Variants in RBFOX1 observed in about 807,000 individuals in gnomAD.
The protein encoded by RBFOX1 is RNA binding protein fox-1 homolog 1.
Under a neutral mutation model 57.7 loss-of-function variants are expected in RBFOX1, and 8 were observed. The ratio of observed to expected loss-of-function variants is 0.14; its 90% CI spans 0.08 to 0.25. The LOEUF is 0.25. Among genes scored for constraint, RBFOX1 ranks in the 10% least tolerant of loss-of-function variants. The pLI is 1.00. For synonymous variants in RBFOX1, 326 were observed against 222.4 expected, an observed-to-expected ratio of 1.47 and a Z score of -4.15; for missense variants, 611 against 548.5, an observed-to-expected ratio of 1.11 and a Z score of -1.14.
upstream of RBFOX1, chr16:5,239,785 C>G (rs1212942167): frequency 1.7e-5 from 11 of 631,710 alleles, no homozygotes; most frequent in Non-Finnish European, 2.9e-5. Flanking sequence ...CTCCGCGCCG[C>G]GCGGACCCAC....
At position 5,440,287 on chromosome 16, in the gene RBFOX1, A is replaced by T. The variant is rs181989112; in HGVS notation, c.220-26929A>T. Among the ~76,000 whole-genome samples, 10 of 152,330 alleles carry T rather than the reference A, an allele frequency of 6.6e-5. No homozygotes were observed. The East Asian group carries it at 1.9e-3, about 29-fold the overall frequency. ...AGGTACAAAATCTCCTTCCAATTAT[A>T]TATTCACATCCAAGTTTCTTAGAAG... is the stretch of plus-strand genomic sequence containing the variant. On this transcript the variant is annotated intron_variant, in intron 1 of 2. Coordinates refer to the RBFOX1 transcript ENST00000585867.
At chr16:6,747,360 TG>T (rs1749416738) in intron 3 of RBFOX1, among the ~76,000 whole-genome samples, 1 of 151,880 alleles carries the variant, frequency 6.6e-6, no homozygotes, top group African/African-American at 2.4e-5. Flanking sequence ...TGAGCCAAGA[TG>T]GCCCCATTGC....
chr16:5,330,144 A>G (rs1290875717), intron 1 of RBFOX1, among the ~76,000 whole-genome samples: 1 of 152,170 alleles, frequency 6.6e-6, no homozygotes, highest in Non-Finnish European at 1.5e-5. Context: ...CACACCTCCA[A>G]ATACCATCGC....
At chr16:6,163,458 C>T (rs868396663) in intron 1 of RBFOX1, among the ~76,000 whole-genome samples, 4 of 152,138 alleles carry the variant, frequency 2.6e-5, no homozygotes, top group Admixed American at 1.3e-4. Flanking sequence ...ATGCTAAATA[C>T]GTTAGTAGCT....
intron 14 of RBFOX1, among the ~76,000 whole-genome samples, chr16:7,684,841 G>A (rs774386388): frequency 2.6e-5 from 4 of 151,960 alleles, no homozygotes; most frequent in Non-Finnish European, 5.9e-5. Flanking sequence ...AATTCTTCCT[G>A]GACAATACCA....
chr16:6,781,214 G>A (rs961079746), intron 3 of RBFOX1, among the ~76,000 whole-genome samples: 5 of 152,068 alleles, frequency 3.3e-5, no homozygotes, highest in African/African-American at 1.2e-4. Context: ...TCATTATGTT[G>A]ATATGATATG....
chr16:6,570,110 C>T (rs549757151), intron 2 of RBFOX1, among the ~76,000 whole-genome samples: 3 of 152,178 alleles, frequency 2.0e-5, no homozygotes, highest in African/African-American at 4.8e-5. Flanking sequence ...TAATGGACTA[C>T]AGAGCCATGT....
In RBFOX1 at chr16:7,184,348, G is replaced by T. The variant is rs748381411; in HGVS notation, c.27+132250G>T. Among the ~76,000 whole-genome samples the T allele has an allele frequency of 1.2e-3, 185 of 152,278 alleles. 1 individual carries two copies. Among genetic ancestry groups the T allele is most frequent in the African/African-American group, 4.4e-3 (183 of 41,570 alleles). On this transcript the variant is annotated intron_variant, in intron 4 of 15. Coordinates refer to ENST00000550418, the MANE Select transcript of RBFOX1 (RefSeq NM_018723.4). ...CAGTGTACTCTGTTCCTTAGCTGAA[G>T]AGAGAAAAAAACAGATGCAAGTGCA...
intron 2 of RBFOX1, among the ~76,000 whole-genome samples, chr16:6,637,591 A>C (rs577357784): frequency 7.0e-6 from 1 of 142,426 alleles, no homozygotes; most frequent in Admixed American, 7.7e-5. Flanking sequence ...ATAATAGTCT[A>C]TATATATATT....
At chr16:5,734,631 G>A (rs1246141425) in intron 3 of RBFOX1, among the ~76,000 whole-genome samples, 1 of 152,094 alleles carries the variant, frequency 6.6e-6, no homozygotes, top group Non-Finnish European at 1.5e-5. Flanking sequence ...CTAGGTTCAC[G>A]AGACTGAGTG....
At chr16:7,607,665 A>G (rs570568877) in intron 10 of RBFOX1, among the ~76,000 whole-genome samples, 7 of 152,122 alleles carry the variant, frequency 4.6e-5, no homozygotes, top group South Asian at 2.1e-4. Context: ...TTGTATTTCA[A>G]TGTGCCTGAA....
chr16:6,161,809 A>G (rs2096881398), intron 1 of RBFOX1, among the ~76,000 whole-genome samples: 1 of 152,174 alleles, frequency 6.6e-6, no homozygotes, highest in Admixed American at 6.5e-5. Flanking sequence ...ACTATTACCA[A>G]CAGATACTTT....
chr16:5,278,091 A>G (rs1377244003), intron 1 of RBFOX1, among the ~76,000 whole-genome samples: 1 of 152,216 alleles, frequency 6.6e-6, no homozygotes, highest in Non-Finnish European at 1.5e-5. Context: ...GCTTTTTAAA[A>G]TAATGGCTGT....
chr16:7,437,757 C>G (rs532382135), intron 4 of RBFOX1, among the ~76,000 whole-genome samples: 1 of 152,058 alleles, frequency 6.6e-6, no homozygotes, highest in Non-Finnish European at 1.5e-5. Context: ...ACTTATACTG[C>G]TCGACGTGGC....
intron 3 of RBFOX1, among the ~76,000 whole-genome samples, chr16:5,680,156 A>C (rs1360436382): frequency 6.6e-6 from 1 of 152,146 alleles, no homozygotes; most frequent in Non-Finnish European, 1.5e-5. Flanking sequence ...GTGGGGGGTA[A>C]AGGTACAAAA....
chr16:5,782,170 C>T (rs1044509372), intron 3 of RBFOX1, among the ~76,000 whole-genome samples: 28 of 152,224 alleles, frequency 1.8e-4, no homozygotes, highest in African/African-American at 6.3e-4. Flanking sequence ...GAGATGGCAC[C>T]ACTGTACACC....
In RBFOX1 at chr16:5,580,139, T is replaced by G. The variant is rs895384322; in HGVS notation, c.259-18763T>G. 2.2e-4 allele frequency among the ~76,000 whole-genome samples: 34 copies of G among 152,200 alleles called. 1 individual carries two copies. The highest frequency in any genetic ancestry group is 2.9e-5 in the Non-Finnish European group (2 of 68,034). ...GTAAGCCCCAAGAGGGCCTGGACTC[T>G]GCCTCCCTCGTTCCCAGCTGCCTCC... is the stretch of plus-strand genomic sequence containing the variant. On this transcript the variant is annotated intron_variant, in intron 2 of 2. Coordinates refer to the RBFOX1 transcript ENST00000585867.
chr16:7,043,843 C>G (rs2046991011), intron 3 of RBFOX1, among the ~76,000 whole-genome samples: 1 of 152,214 alleles, frequency 6.6e-6, no homozygotes, highest in African/African-American at 2.4e-5. Context: ...TCCATAATCT[C>G]ACTGAGCTTT....
At chr16:5,803,185 C>G (rs1253842470) in intron 3 of RBFOX1, among the ~76,000 whole-genome samples, 3 of 152,190 alleles carry the variant, frequency 2.0e-5, no homozygotes, top group Non-Finnish European at 4.4e-5. Context: ...AAAACCTTAC[C>G]TCATAGCCCT....
Sources: gnomAD v4.1 joint callset for allele counts (sites outside exome capture counted in the v4.1 genomes callset) on GRCh38, gnomAD v4.1.1 for gene constraint, MANE v1.5 for transcripts, NCBI Gene and HGNC (gene_info 2026-07-23, HGNC 2026-07-21) for gene names.